The following CNTN3 variants were observed in gnomAD, a reference collection of about 807,000 sequenced individuals.
CNTN3 encodes the protein contactin 3.
Under a neutral mutation model 119.1 loss-of-function variants are expected in CNTN3, and 60 were observed. That is an observed-to-expected ratio of 0.50 (90% confidence interval 0.41 to 0.62). The LOEUF is 0.62. CNTN3 is among the 20% of genes least tolerant of loss of function. The pLI is 0.00. For missense variants in CNTN3, 1,101 were observed against 1,242.4 expected, an observed-to-expected ratio of 0.89 and a Z score of 1.71; for synonymous variants, 450 against 438.7, an observed-to-expected ratio of 1.03 and a Z score of -0.32.
At chr3:74,397,649 A>G (rs1456535296) in intron 5 of CNTN3, among the ~76,000 whole-genome samples, 1 of 152,180 alleles carries the variant, frequency 6.6e-6, no homozygotes, top group African/African-American at 2.4e-5. Flanking sequence ...TTTGATTTTG[A>G]AGTTATAATA....
intron 5 of CNTN3, among the ~76,000 whole-genome samples, chr3:74,388,292 TAGA>T (rs907788566): frequency 8.5e-5 from 13 of 152,308 alleles, no homozygotes; most frequent in Admixed American, 5.9e-4. Context: ...TCTAATATAT[TAGA>T]AGTTTATTGA....
rs1703258383 is a variant in CNTN3 at position 74,506,335 on chromosome 3, T to A, written c.56-6550A>T. 2.0e-5 allele frequency among the ~76,000 whole-genome samples: 3 copies of A among 152,158 alleles called. No individual in the cohort carries two copies. The South Asian group carries it at 6.2e-4, about 31-fold the overall frequency. Reference sequence around the variant, plus strand: ...AAAAGTGCCCAGTGTTTTATGTTGATACTGTTTAACTCCAATGGCTATATT... The same window carrying A: ...AAAAGTGCCCAGTGTTTTATGTTGAAACTGTTTAACTCCAATGGCTATATT... On this transcript the variant is annotated intron_variant, in intron 2 of 22. Transcript: ENST00000263665.
chr3:74,316,483 A>G (rs988362684), intron 13 of CNTN3, among the ~76,000 whole-genome samples: 1 of 152,200 alleles, frequency 6.6e-6, no homozygotes, highest in Admixed American at 6.5e-5. Flanking sequence ...TCCCATTACT[A>G]GGTACATAAC....
intron 11 of CNTN3, among the ~76,000 whole-genome samples, chr3:74,344,917 T>G (rs1213725158): frequency 6.6e-6 from 1 of 151,812 alleles, no homozygotes; most frequent in African/African-American, 2.4e-5. Flanking sequence ...TTCATACAAC[T>G]GAGGAGGGGA....
chr3:74,316,201 A>C (rs1207294105), intron 13 of CNTN3, among the ~76,000 whole-genome samples: 1 of 152,244 alleles, frequency 6.6e-6, no homozygotes, highest in Non-Finnish European at 1.5e-5. Context: ...TTTTCAAAAG[A>C]AGATATACGA....
chr3:74,412,012 A>C (rs1409869117), intron 5 of CNTN3, among the ~76,000 whole-genome samples: 1 of 152,172 alleles, frequency 6.6e-6, no homozygotes, highest in Non-Finnish European at 1.5e-5. Flanking sequence ...TTTACATAAA[A>C]TTTACATTAG....
intron 1 of CNTN3, among the ~76,000 whole-genome samples, chr3:74,559,617 G>GA (rs55881426): frequency 6.7e-5 from 10 of 149,180 alleles, no homozygotes; most frequent in African/African-American, 2.0e-4. Flanking sequence ...AAAAAGAAAA[G>GA]AAAAAAAAAA....
At chr3:74,270,222 T>G (rs1362516872) in intron 20 of CNTN3, among the ~76,000 whole-genome samples, 1 of 152,128 alleles carries the variant, frequency 6.6e-6, no homozygotes, top group Admixed American at 6.5e-5. Flanking sequence ...CTCATTGGCA[T>G]CCCATAGATA....
chr3:74,587,267 T>G (rs1290193242), intron 1 of CNTN3, among the ~76,000 whole-genome samples: 1 of 152,042 alleles, frequency 6.6e-6, no homozygotes, highest in African/African-American at 2.4e-5. Context: ...AATGTCATTG[T>G]TTTCCTCCTC....
rs573550012 is a variant in CNTN3 at position 74,466,104 on chromosome 3, A to G, written c.358+20352T>C. Among the ~76,000 whole-genome samples, 3 of 152,314 alleles carry G rather than the reference A, an allele frequency of 2.0e-5. No individual in the cohort carries two copies. The South Asian group carries it at 6.2e-4, about 32-fold the overall frequency. ...CACTGAAAGAGTCCAAATTAAAGCAAGTGGAACCTGAGCAGACACAAAAAG... is the reference window on the plus strand; with the variant it reads ...CACTGAAAGAGTCCAAATTAAAGCAGGTGGAACCTGAGCAGACACAAAAAG... On this transcript the variant is annotated intron_variant, in intron 4 of 22. Coordinates refer to ENST00000263665, the MANE Select transcript of CNTN3 (RefSeq NM_020872.3).
At chr3:74,453,218 T>G (rs1702195354) in intron 4 of CNTN3, among the ~76,000 whole-genome samples, 1 of 147,816 alleles carries the variant, frequency 6.8e-6, no homozygotes, top group South Asian at 2.1e-4. Context: ...TATTCAGAGA[T>G]TCAACTTCTT....
chr3:74,558,210 G>A (rs1704099639), intron 1 of CNTN3, among the ~76,000 whole-genome samples: 1 of 152,144 alleles, frequency 6.6e-6, no homozygotes, highest in African/African-American at 2.4e-5. Flanking sequence ...CCCCCCATAG[G>A]ATGGGCTAAG....
At chr3:74,266,436 T>A in intron 22 of CNTN3, 45 bp downstream of exon 22, 1 of 1,565,766 alleles carries the variant, frequency 6.4e-7, no homozygotes, top group Non-Finnish European at 8.8e-7. Context: ...TGGCGGATAG[T>A]AACACTGATG....
intron 4 of CNTN3, among the ~76,000 whole-genome samples, chr3:74,434,889 TCATTTTCTGCATG>T (rs1483138595): frequency 6.6e-6 from 1 of 152,200 alleles, no homozygotes; most frequent in Non-Finnish European, 1.5e-5. Context: ...TTCAAAACAT[TCATTTTCTGCATG>T]CATTTCAGAT....
intron 13 of CNTN3, among the ~76,000 whole-genome samples, chr3:74,304,083 TC>T (rs1437483527): frequency 2.6e-5 from 4 of 152,208 alleles, no homozygotes; most frequent in Non-Finnish European, 1.5e-5. Flanking sequence ...CCTAAAATCT[TC>T]CATAGGGTAA....
intron 5 of CNTN3, among the ~76,000 whole-genome samples, chr3:74,414,010 A>G (rs548964618): frequency 6.6e-6 from 1 of 152,142 alleles, no homozygotes; most frequent in Non-Finnish European, 1.5e-5. Context: ...GAGGATCAAA[A>G]GCTATAAAAC....
chr3:74,311,046 G>C (rs1282886284), intron 13 of CNTN3, among the ~76,000 whole-genome samples: 1 of 152,184 alleles, frequency 6.6e-6, no homozygotes, highest in Non-Finnish European at 1.5e-5. Flanking sequence ...TGAGCTGACT[G>C]TGCCAAGAAT....
chr3:74,576,184 T>C (rs1027082096), intron 1 of CNTN3, among the ~76,000 whole-genome samples: 2 of 152,190 alleles, frequency 1.3e-5, no homozygotes, highest in Non-Finnish European at 2.9e-5. Context: ...AAATCTACAG[T>C]TGCAAACTTT....
chr3:74,524,394 TG>T (rs1703586170), intron 1 of CNTN3, among the ~76,000 whole-genome samples: 1 of 151,850 alleles, frequency 6.6e-6, no homozygotes, highest in Non-Finnish European at 1.5e-5. Context: ...TAAATGAGTA[TG>T]GGGTATTTAT....
Sources: gnomAD v4.1 joint callset for allele counts (sites outside exome capture counted in the v4.1 genomes callset) on GRCh38, gnomAD v4.1.1 for gene constraint, MANE v1.5 for transcripts, NCBI Gene and HGNC (gene_info 2026-07-23, HGNC 2026-07-21) for gene names.